The following ITIH5 variants were observed in gnomAD, a reference collection of about 807,000 sequenced individuals.
ITIH5 encodes inter-alpha-trypsin inhibitor heavy chain H5.
Under a neutral mutation model 77.5 loss-of-function variants are expected in ITIH5, and 65 were observed. The ratio of observed to expected loss-of-function variants is 0.84; its 90% CI spans 0.69 to 1.03. The LOEUF (loss-of-function observed/expected upper bound fraction) is 1.03, where lower values mean the gene tolerates loss of function less well. ITIH5 is among the 50% of genes least tolerant of loss of function. The pLI, the probability that ITIH5 is intolerant of heterozygous loss-of-function variation, is 0.00. For missense variants in ITIH5, 1,208 were observed against 1,213.1 expected (o/e 1.00, Z 0.06); for synonymous variants, 525 against 494.3 (o/e 1.06, Z -0.82).
Position 7,566,232 on chromosome 10 carries a change from G to A in ITIH5, c.2325C>T (p.Cys775=), listed in dbSNP as rs1173464426. The A allele has an allele frequency of 6.2e-7, 1 of 1,613,556 alleles. No individual in the cohort carries two copies. Among genetic ancestry groups the A allele is most frequent in the Non-Finnish European group, 8.5e-7 (1 of 1,179,810 alleles). Residue 775 remains cysteine, a synonymous_variant, in exon 13 of 14, where the codon TGC becomes TGT. Transcript: ENST00000397146. ...LDGGDRLVLP[C]NQSVVVGSWG... is the part of the protein sequence containing the mutation. The stretch of plus-strand genomic sequence containing the variant: ...AGCTCCCCACCACCACACTCTGGTT[G>A]CAGGGGAGCACCAGTCTGTCCCCAC...
chr10:7,653,219 GT>G (rs1834128934), intron 2 of ITIH5, among the ~76,000 whole-genome samples: 1 of 152,098 alleles, frequency 6.6e-6, no homozygotes, highest in Admixed American at 6.6e-5. Flanking sequence ...AAAAAAGGTT[GT>G]TTTTGAGACA....
chr10:7,607,017 T>A (rs906250609), intron 7 of ITIH5, among the ~76,000 whole-genome samples: 1 of 152,248 alleles, frequency 6.6e-6, no homozygotes, highest in African/African-American at 2.4e-5. Context: ...TTTTCCCCAC[T>A]GTCTTCTGCT....
chr10:7,637,410 A>C lies in ITIH5; in HGVS notation c.470T>G (p.Leu157Arg). The C allele has an allele frequency of 6.2e-7, 1 of 1,613,994 alleles. No homozygotes were observed. Among genetic ancestry groups the C allele is most frequent in the Non-Finnish European group, 8.5e-7 (1 of 1,179,872 alleles). Residue 157 changes from leucine (L) to arginine (R), a missense_variant, in exon 5 of 14, where the codon CTG becomes CGG. Transcript: ENST00000397146. ...CCTCTGCAGAAGCTCCTCATAACTC[A>C]GGAAAAAGGCGGCTTTGTCCTTGCT... ...IPSKDKAAFF[L>R]SYEELLQRRL...
At chr10:7,568,745 C>T (rs568724797) in intron 12 of ITIH5, among the ~76,000 whole-genome samples, 1 of 152,294 alleles carries the variant, frequency 6.6e-6, no homozygotes, top group African/African-American at 2.4e-5. Context: ...TTACCTGCAT[C>T]GAACTTGAAA....
intron 7 of ITIH5, among the ~76,000 whole-genome samples, chr10:7,603,908 G>T (rs1833068980): frequency 6.6e-6 from 1 of 152,112 alleles, no homozygotes; most frequent in African/African-American, 2.4e-5. Flanking sequence ...TGAAGTGTGT[G>T]GCATGACTGT....
At position 7,644,239 on chromosome 10, in the gene ITIH5, G is replaced by GAA. The variant is rs71294404; in HGVS notation, c.136-2151_136-2150dup. Among the ~76,000 whole-genome samples the GAA allele has an allele frequency of 1.6e-4, 23 of 146,762 alleles. No homozygotes were observed. In the East Asian group the frequency reaches 2.0e-3, roughly 13 times the overall value. On this transcript the variant is annotated intron_variant, in intron 2 of 13. Transcript: ENST00000397146. ...GGTGACAGAGCAAGACCCTGTCACA[G>GAA]AAAAAAAATATATATATATATGTAC... is the stretch of plus-strand genomic sequence containing the variant.
chr10:7,570,578 T>C (rs1832276978), intron 11 of ITIH5, among the ~76,000 whole-genome samples: 1 of 152,210 alleles, frequency 6.6e-6, no homozygotes, highest in Non-Finnish European at 1.5e-5. Flanking sequence ...TCTTACCAGA[T>C]TGGAGATTTA....
chr10:7,623,417 T>G (rs1179030682), intron 5 of ITIH5, among the ~76,000 whole-genome samples: 1 of 152,014 alleles, frequency 6.6e-6, no homozygotes, highest in African/African-American at 2.4e-5. Flanking sequence ...CCTCTGAGGG[T>G]GGCAATAAAG....
intron 5 of ITIH5, among the ~76,000 whole-genome samples, chr10:7,623,825 T>C (rs969388333): frequency 1.8e-5 from 2 of 108,502 alleles, no homozygotes; most frequent in Non-Finnish European, 3.9e-5. Context: ...AAAAAAAAAA[T>C]ACCTTCATAA....
intron 4 of ITIH5, 130 bp from the exon 5 acceptor site, chr10:7,637,608 G>C: frequency 3.4e-6 from 3 of 875,610 alleles, no homozygotes; most frequent in Non-Finnish European, 5.3e-6. Context: ...GTGTGAGTGT[G>C]GGTCCTGAGA....
Position 7,566,202 on chromosome 10 carries a change from C to G in ITIH5, c.2355G>C (p.Gly785=). 6.2e-7 allele frequency: 1 copy of G among 1,613,930 alleles called. No homozygotes were observed. Among genetic ancestry groups the G allele is most frequent in the Non-Finnish European group, 8.5e-7 (1 of 1,179,928 alleles). ...CNQSVVVGSW[G]LEVSVSANAN... Reference sequence around the variant, plus strand: ...CGTTGGCAGACACGGACACCTCCAGCCCCCAGCTCCCCACCACCACACTCT... The same window carrying G: ...CGTTGGCAGACACGGACACCTCCAGGCCCCAGCTCCCCACCACCACACTCT... Residue 785 remains glycine (G), a synonymous_variant, in exon 13 of 14, where the codon GGG becomes GGC. Coordinates refer to ENST00000397146, the MANE Select transcript of ITIH5 (RefSeq NM_030569.7).
intron 1 of ITIH5, 22 bp from the exon 2 acceptor site, chr10:7,655,697 T>A: frequency 6.3e-7 from 1 of 1,594,580 alleles, no homozygotes; most frequent in South Asian, 1.1e-5. Context: ...AAGAGACTGT[T>A]AAAAAGGTGA....
rs1247096555 is a variant in ITIH5 at position 7,617,125 on chromosome 10, A to G, written c.810T>C (p.Ile270=). The change falls in exon 6 of 14, where the codon ATT becomes ATC. Residue 270 remains isoleucine (I), a synonymous_variant. Coordinates refer to ENST00000397146, the MANE Select transcript of ITIH5 (RefSeq NM_030569.7). ...IRYDVNREQS[I]GDIQVLNGYF... Reference sequence around the variant, plus strand: ...ACGATCCTATTACCTGGATGTCCCCAATGCTCTGTTCTCTATTGACGTCAT... The same window carrying G: ...ACGATCCTATTACCTGGATGTCCCCGATGCTCTGTTCTCTATTGACGTCAT... 8.3e-6 allele frequency: 13 copies of G among 1,564,162 alleles called. No homozygotes were observed. Among genetic ancestry groups the G allele is most frequent in the South Asian group, 1.2e-5 (1 of 80,580 alleles).
intron 5 of ITIH5, among the ~76,000 whole-genome samples, chr10:7,628,757 GTGTGTC>G (rs1833636995): frequency 8.4e-6 from 1 of 119,724 alleles, no homozygotes; most frequent in Non-Finnish European, 1.7e-5. Context: ...ATGTTGCAGC[GTGTGTC>G]CATGTTGTAG....
intron 7 of ITIH5, among the ~76,000 whole-genome samples, chr10:7,589,917 TG>T (rs1330557224): frequency 6.6e-6 from 1 of 151,238 alleles, no homozygotes; most frequent in East Asian, 2.0e-4. Context: ...GCTTTGCTGT[TG>T]TCCCCCACCC....
At chr10:7,576,393 G>A in intron 10 of ITIH5, 60 bp downstream of exon 10, 1 of 1,343,938 alleles carries the variant, frequency 7.4e-7, no homozygotes, top group Non-Finnish European at 9.9e-7. Context: ...TCCTGTGGAG[G>A]AGGTGAGTGG....
At chr10:7,600,282 AATAATTCC>A (rs1832988541) in intron 7 of ITIH5, among the ~76,000 whole-genome samples, 1 of 152,168 alleles carries the variant, frequency 6.6e-6, no homozygotes, top group East Asian at 1.9e-4. Context: ...TTAGGGGGAG[AATAATTCC>A]AATGCTATGC....
intron 5 of ITIH5, among the ~76,000 whole-genome samples, chr10:7,636,506 T>C (rs1430272172): frequency 6.6e-6 from 1 of 152,220 alleles, no homozygotes; most frequent in Non-Finnish European, 1.5e-5. Flanking sequence ...ACATATACAA[T>C]TTGCCTTTTC....
chr10:7,576,550 G>C lies in ITIH5; in HGVS notation c.1881C>G (p.Val627=). 6.2e-7 allele frequency: 1 copy of C among 1,613,536 alleles called. No homozygotes were observed. The highest frequency in any genetic ancestry group is 8.5e-7 in the Non-Finnish European group (1 of 1,180,016). The change falls in exon 10 of 14, where the codon GTC becomes GTG. Residue 627 remains valine, a synonymous_variant. Coordinates refer to ENST00000397146, the MANE Select transcript of ITIH5 (RefSeq NM_030569.7). The part of the protein sequence containing the change: ...PFTSMKLRGP[V]PRMDGLEEAH... ...CCTCCTCCAGGCCATCCATGCGTGG[G>C]ACCGGCCCCCTCAGCTTCATGGAGG...
Sources: gnomAD v4.1 joint callset for allele counts (sites outside exome capture counted in the v4.1 genomes callset) on GRCh38, gnomAD v4.1.1 for gene constraint, MANE v1.5 for transcripts, NCBI Gene and HGNC (gene_info 2026-07-23, HGNC 2026-07-21) for gene names.